PRKN: variants seen among roughly 807,000 people sequenced by gnomAD.
PRKN encodes the protein parkin RBR E3 ubiquitin protein ligase, also known as E3 ubiquitin-protein ligase parkin.
A neutral mutation model predicts 59.5 loss-of-function variants in PRKN; 56 were observed. The ratio of observed to expected loss-of-function variants is 0.94; its 90% CI spans 0.76 to 1.18. The LOEUF (loss-of-function observed/expected upper bound fraction) is 1.18, where lower values mean the gene tolerates loss of function less well. Ranked by LOEUF, PRKN falls within the 50% of genes most tolerant of loss-of-function variation. The probability of loss-of-function intolerance (pLI) is 0.00; values close to 1 mark genes in which losing one functional copy is unlikely to be tolerated. For synonymous variants in PRKN, 250 were observed against 222.1 expected, an observed-to-expected ratio of 1.13 and a Z score of -1.12; for missense variants, 657 against 596.4, an observed-to-expected ratio of 1.10 and a Z score of -1.06.
chr6:162,323,439 CA>C (rs1484462913), intron 2 of PRKN, among the ~76,000 whole-genome samples: 1 of 108,266 alleles, frequency 9.2e-6, no homozygotes, highest in East Asian at 2.2e-4. Flanking sequence ...TTAAAGACTT[CA>C]AATTTAAAGA....
chr6:162,233,092 A>G (rs1361488237), intron 3 of PRKN, among the ~76,000 whole-genome samples: 3 of 152,220 alleles, frequency 2.0e-5, no homozygotes, highest in Non-Finnish European at 4.4e-5. Flanking sequence ...AAAGAAACCC[A>G]TTGATAGAGT....
chr6:162,491,432 C>A (rs1435661661), intron 1 of PRKN, among the ~76,000 whole-genome samples: 1 of 152,202 alleles, frequency 6.6e-6, no homozygotes, highest in South Asian at 2.1e-4. Context: ...ACAGAGGTGA[C>A]GCACCAGGTG....
At chr6:162,089,766 G>A (rs1236079469) in intron 4 of PRKN, among the ~76,000 whole-genome samples, 1 of 152,170 alleles carries the variant, frequency 6.6e-6, no homozygotes, top group African/African-American at 2.4e-5. Flanking sequence ...CGTCATAAGC[G>A]AAAGCAGGCA....
chr6:161,991,474 TTAA>T (rs1781643591), intron 5 of PRKN, among the ~76,000 whole-genome samples: 1 of 152,186 alleles, frequency 6.6e-6, no homozygotes. Flanking sequence ...TCTTTACTCA[TTAA>T]TAATAACTTC....
rs1231001750 is a variant in PRKN at position 161,466,541 on chromosome 6, C to G, written c.1084-79664G>C. On this transcript the variant is annotated intron_variant, in intron 9 of 11. Coordinates refer to ENST00000366898, the MANE Select transcript of PRKN (RefSeq NM_004562.3). The surrounding 1 kb of genome is among the most constrained non-coding windows in gnomAD (Gnocchi z 5.0). Reference sequence around the variant, plus strand: ...TAAACAATTCTGCTTGCTCAACTAACTCAGACACTGTGGATGTTAGGATGA... The same window carrying G: ...TAAACAATTCTGCTTGCTCAACTAAGTCAGACACTGTGGATGTTAGGATGA... Among the ~76,000 whole-genome samples, 1 of 152,186 alleles carries G rather than the reference C, an allele frequency of 6.6e-6. No homozygotes were observed. Among genetic ancestry groups the G allele is most frequent in the Non-Finnish European group, 1.5e-5 (1 of 68,040 alleles).
At chr6:162,443,215 A>G in intron 2 of PRKN, 95 bp downstream of exon 2, 2 of 1,277,846 alleles carry the variant, frequency 1.6e-6, no homozygotes, top group African/African-American at 2.9e-5. Context: ...TATTTATTCT[A>G]TTAGATCTCA....
Position 161,538,474 on chromosome 6 carries a change from C to G in PRKN, c.1083+10380G>C, listed in dbSNP as rs1411502817. Among the ~76,000 whole-genome samples the G allele has an allele frequency of 1.3e-5, 2 of 152,050 alleles. No homozygotes were observed. Among genetic ancestry groups the G allele is most frequent in the African/African-American group, 2.4e-5 (1 of 41,400 alleles). ...TTGGATAGCTCTGCCAGGTGTACCT[C>G]CTAAGGACCTCCAAATCTTAGGGGA... On this transcript the variant is annotated intron_variant, in intron 9 of 11. Transcript: ENST00000366898. The surrounding 1 kb of genome is among the most constrained non-coding windows in gnomAD (Gnocchi z 4.2).
intron 4 of PRKN, among the ~76,000 whole-genome samples, chr6:162,083,957 TA>T (rs1263592531): frequency 5.9e-5 from 9 of 152,136 alleles, no homozygotes; most frequent in African/African-American, 1.9e-4. Context: ...CTAGAATTAA[TA>T]TTTTTCCAGG....
chr6:162,282,482 A>T (rs567100609), intron 2 of PRKN, among the ~76,000 whole-genome samples: 4 of 152,218 alleles, frequency 2.6e-5, no homozygotes, highest in African/African-American at 9.7e-5. Context: ...CTATTAAGCT[A>T]TCTTGGCAGA....
At chr6:162,601,301 G>A (rs1781699819) in intron 1 of PRKN, among the ~76,000 whole-genome samples, 1 of 152,142 alleles carries the variant, frequency 6.6e-6, no homozygotes, top group Admixed American at 6.5e-5. Flanking sequence ...TTGGGGATTT[G>A]GTTTCCAAAA....
At chr6:162,283,589 T>C (rs181490161) in intron 2 of PRKN, among the ~76,000 whole-genome samples, 39 of 152,356 alleles carry the variant, frequency 2.6e-4, no homozygotes, top group African/African-American at 7.9e-4. Flanking sequence ...TAGCACGATC[T>C]CGGCTCACTG....
chr6:162,088,000 G>A (rs1158156175), intron 4 of PRKN, among the ~76,000 whole-genome samples: 1 of 152,148 alleles, frequency 6.6e-6, no homozygotes. Context: ...AGAGTCATCA[G>A]AATGCAAAGA....
intron 7 of PRKN, among the ~76,000 whole-genome samples, chr6:161,703,819 A>T (rs2128179797): frequency 7.3e-6 from 1 of 136,314 alleles, no homozygotes; most frequent in African/African-American, 2.8e-5. Flanking sequence ...GAGGACACAC[A>T]TCTCTCTCTC....
chr6:161,450,706 G>A lies in PRKN; in HGVS notation c.1084-63829C>T, dbSNP rs556061001. Among the ~76,000 whole-genome samples the A allele has an allele frequency of 2.3e-4, 35 of 151,992 alleles. No homozygotes were observed. The East Asian group carries it at 2.5e-3, about 11-fold the overall frequency. On this transcript the variant is annotated intron_variant, in intron 9 of 11. Coordinates refer to ENST00000366898, the MANE Select transcript of PRKN (RefSeq NM_004562.3). ...CGAGCAGCTGGGACTACAGGTGCCC[G>A]CCACCACACCCAGCTAATTTTTGTA...
At chr6:161,966,098 C>T (rs1731634048) in intron 6 of PRKN, among the ~76,000 whole-genome samples, 1 of 151,930 alleles carries the variant, frequency 6.6e-6, no homozygotes. Context: ...AGCAAAGAAA[C>T]ATGTTTTGGG....
At chr6:162,128,979 A>C (rs1781235296) in intron 4 of PRKN, among the ~76,000 whole-genome samples, 1 of 152,216 alleles carries the variant, frequency 6.6e-6, no homozygotes, top group South Asian at 2.1e-4. Context: ...GTCTGAGGTG[A>C]CTAACAAGCC....
chr6:161,660,601 G>A (rs1186483238), intron 7 of PRKN, among the ~76,000 whole-genome samples: 1 of 152,138 alleles, frequency 6.6e-6, no homozygotes, highest in Non-Finnish European at 1.5e-5. Context: ...GAAAAAACCA[G>A]ACGTGAACAG....
At chr6:161,489,165 G>T (rs1777452871) in intron 9 of PRKN, among the ~76,000 whole-genome samples, 1 of 151,620 alleles carries the variant, frequency 6.6e-6, no homozygotes, top group African/African-American at 2.4e-5. Context: ...TTTCTTAATA[G>T]AAATTGTTTT....
chr6:162,021,281 T>G (rs553646598), intron 5 of PRKN, among the ~76,000 whole-genome samples: 39 of 66,712 alleles, frequency 5.8e-4, no homozygotes, highest in African/African-American at 2.3e-3. Context: ...TAAACTATCA[T>G]ATAAAACCAC....
Sources: allele counts gnomAD v4.1 joint callset (sites outside exome capture counted in the v4.1 genomes callset), GRCh38; gene constraint gnomAD v4.1.1; non-coding constraint Gnocchi (gnomAD v3.1); transcripts MANE v1.5; gene names NCBI Gene and HGNC (gene_info 2026-07-23, HGNC 2026-07-21).